Variants in PPIF observed in about 807,000 individuals in gnomAD.
The protein encoded by PPIF is peptidylprolyl isomerase F.
A neutral mutation model predicts 20.2 loss-of-function variants in PPIF; 23 were observed. That is an observed-to-expected ratio of 1.14 (90% CI 0.82 to 1.61). The LOEUF is 1.61. Ranked by LOEUF, PPIF falls within the 40% of genes most tolerant of loss-of-function variation. The probability of loss-of-function intolerance (pLI) is 0.00; values close to 1 mark genes in which losing one functional copy is unlikely to be tolerated. For synonymous variants in PPIF, 113 were observed against 123.1 expected (o/e 0.92, Z 0.54); for missense variants, 287 against 291.6 (o/e 0.98, Z 0.11).
rs769433083 is a variant in PPIF at position 79,349,652 on chromosome 10, C to G, written c.227-13C>G. 1.9e-6 allele frequency: 3 copies of G among 1,612,738 alleles called. No homozygotes were observed. Among genetic ancestry groups the G allele is most frequent in the Non-Finnish European group, 2.5e-6 (3 of 1,179,946 alleles). On this transcript the variant is annotated splice_polypyrimidine_tract_variant and intron_variant, in intron 2 of 5. Transcript: ENST00000225174. ...CCTGGCCCTGTTGACCTGTGTTTCT[C>G]TTCGACCCTCAGAGAACTTCAGAGC... is the stretch of plus-strand genomic sequence containing the variant.
chr10:79,352,457 C>T, intron 5 of PPIF, 65 bp downstream of exon 5: 2 of 1,526,920 alleles, frequency 1.3e-6, no homozygotes, highest in Non-Finnish European at 1.8e-6. Flanking sequence ...AGGATTCGTG[C>T]ACTTTTAGGG....
chr10:79,349,216 T>C, intron 2 of PPIF, 110 bp downstream of exon 2: 2 of 1,603,020 alleles, frequency 1.2e-6, no homozygotes, highest in Non-Finnish European at 1.7e-6. Context: ...CCCTGACAGA[T>C]GGGAGCTCCA....
At chr10:79,353,548 G>A (rs372867418) in intron 5 of PPIF, 159 bp from the exon 6 acceptor site, 36 of 1,310,222 alleles carry the variant, frequency 2.7e-5, no homozygotes, top group African/African-American at 2.3e-4. Context: ...TATTTGGGGC[G>A]CTCAACAAGG....
At chr10:79,352,004 A>G (rs748615359) in intron 4 of PPIF, among the ~76,000 whole-genome samples, 2 of 152,164 alleles carry the variant, frequency 1.3e-5, no homozygotes, top group African/African-American at 2.4e-5. Flanking sequence ...CGTGTCACCT[A>G]TAAGACCCAA....
rs751383371 is a variant in PPIF at position 79,353,884 on chromosome 10, C to T, written c.*42C>T. On this transcript the variant is annotated 3_prime_UTR_variant, in exon 6 of 6. Transcript: ENST00000225174. ...TGGCATGGTGGCAGCTGCAAATGTC[C>T]ATGCACCCAGGTGGCCGCGTTGGGC... 3 of 1,603,908 alleles carry T rather than the reference C, an allele frequency of 1.9e-6. No individual in the cohort carries two copies. The highest frequency in any genetic ancestry group is 4.5e-5 in the East Asian group (2 of 44,822).
In PPIF at chr10:79,347,696, C is replaced by T; in HGVS notation, c.148C>T (p.Leu50=). The change falls in exon 1 of 6, where the codon CTG becomes TTG. Residue 50 remains leucine (L), a synonymous_variant. Coordinates refer to ENST00000225174, the MANE Select transcript of PPIF (RefSeq NM_005729.4). ...CTCCTCCGGGAACCCGCTCGTGTAC[C>T]TGGACGTGGACGCCAACGGGAAGCC... ...SSSSGNPLVY[L]DVDANGKPLG... 1 of 1,476,598 alleles carries T rather than the reference C, an allele frequency of 6.8e-7. No individual in the cohort carries two copies. The highest frequency in any genetic ancestry group is 9.0e-7 in the Non-Finnish European group (1 of 1,109,392). The allele number at this position is 1,476,598 out of a possible 1,614,324, so 91.5% of individuals were successfully genotyped here.
At chr10:79,352,212 A>T (rs1855991044) in intron 4 of PPIF, 105 bp from the exon 5 acceptor site, 1 of 1,002,178 alleles carries the variant, frequency 1.0e-6, no homozygotes, top group Admixed American at 1.9e-5. Context: ...CAGGATCTGC[A>T]GACTCGAATG....
chr10:79,347,758 A>G lies in PPIF; in HGVS notation c.195+15A>G. The stretch of plus-strand genomic sequence containing the variant: ...TGGTGCTGGAGGTGAGACCGCTCGC[A>G]GGGCCGGCCTGGGCGCGGGACACGG... On this transcript the variant is annotated intron_variant, in intron 1 of 5. Coordinates refer to ENST00000225174, the MANE Select transcript of PPIF (RefSeq NM_005729.4). The G allele has an allele frequency of 1.5e-6, 2 of 1,309,148 alleles. No individual in the cohort carries two copies. Among genetic ancestry groups the G allele is most frequent in the Non-Finnish European group, 2.0e-6 (2 of 1,021,528 alleles). 81.1% of individuals were successfully genotyped at this position (1,309,148 alleles called of 1,614,324 possible).
intron 3 of PPIF, 177 bp downstream of exon 3, chr10:79,349,930 C>T: frequency 7.3e-7 from 1 of 1,377,426 alleles, no homozygotes; most frequent in Non-Finnish European, 9.6e-7. Context: ...GAAGCCCAGC[C>T]CCAACCCGCT....
intron 1 of PPIF, 43 bp from the exon 2 acceptor site, chr10:79,349,033 T>G: frequency 6.2e-7 from 1 of 1,613,650 alleles, no homozygotes; most frequent in Non-Finnish European, 8.5e-7. Flanking sequence ...TTCACCTGCC[T>G]CTCCAATGAC....
At position 79,353,838 on chromosome 10, in the gene PPIF, G is replaced by A; in HGVS notation, c.620G>A (p.Ser207Asn). 1 of 1,614,140 alleles carries A rather than the reference G, an allele frequency of 6.2e-7. No homozygotes were observed. The highest frequency in any genetic ancestry group is 8.5e-7 in the Non-Finnish European group (1 of 1,179,978). ...GTCATCACAGACTGTGGCCAGTTGAGCTAATCTGTGGCCAGGGTGCTGGCA... is the reference window on the plus strand; with the variant it reads ...GTCATCACAGACTGTGGCCAGTTGAACTAATCTGTGGCCAGGGTGCTGGCA... ...KIVITDCGQL[S>N] Residue 207 changes from serine (S) to asparagine (N), a missense_variant, in exon 6 of 6, where the codon AGC (serine) becomes AAC (asparagine). By Grantham distance (46) the Ser-to-Asn change is conservative. Coordinates refer to ENST00000225174, the MANE Select transcript of PPIF (RefSeq NM_005729.4).
At chr10:79,352,155 T>A (rs1334286343) in intron 4 of PPIF, among the ~76,000 whole-genome samples, 162 bp from the exon 5 acceptor site, 1 of 152,076 alleles carries the variant, frequency 6.6e-6, no homozygotes, top group Non-Finnish European at 1.5e-5. Context: ...AAGGCAGGCA[T>A]ACCCTGGGGG....
intron 4 of PPIF, 96 bp downstream of exon 4, chr10:79,351,679 C>A: frequency 8.9e-7 from 1 of 1,125,140 alleles, no homozygotes; most frequent in Non-Finnish European, 1.3e-6. Flanking sequence ...AGTCACCGTC[C>A]AGTATCTGAT....
chr10:79,349,561 C>G lies in PPIF; in HGVS notation c.227-104C>G. The G allele has an allele frequency of 1.9e-6, 3 of 1,542,184 alleles. No individual in the cohort carries two copies. The East Asian group carries it at 7.1e-5, about 37-fold the overall frequency. ...CAAGAGGTGGGCCAGAGTCTTTATC[C>G]CCCTGTTCACTGCTGGGGATGTAGC... is the stretch of plus-strand genomic sequence containing the variant. On this transcript the variant is annotated intron_variant, in intron 2 of 5. Coordinates refer to ENST00000225174, the MANE Select transcript of PPIF (RefSeq NM_005729.4).
At chr10:79,349,636 G>A (rs1295418400) in intron 2 of PPIF, 29 bp from the exon 3 acceptor site, 1 of 1,612,268 alleles carries the variant, frequency 6.2e-7, no homozygotes, top group Admixed American at 1.7e-5. Context: ...GCCTGGCCCT[G>A]TTGACCTGTG....
Position 79,352,412 on chromosome 10 carries a change from C to T in PPIF, c.488+20C>T. 1 of 1,608,058 alleles carries T rather than the reference C, an allele frequency of 6.2e-7. No homozygotes were observed. Among genetic ancestry groups the T allele is most frequent in the Non-Finnish European group, 8.5e-7 (1 of 1,174,448 alleles). ...AGACTGGTGAGTTCCCTGCCCCAGGCCCTCTGGGAATGCGGGCAGCCTTGC... is the reference window on the plus strand; with the variant it reads ...AGACTGGTGAGTTCCCTGCCCCAGGTCCTCTGGGAATGCGGGCAGCCTTGC... On this transcript the variant is annotated intron_variant, in intron 5 of 5. Coordinates refer to ENST00000225174, the MANE Select transcript of PPIF (RefSeq NM_005729.4).
At chr10:79,349,628 C>T in intron 2 of PPIF, 37 bp from the exon 3 acceptor site, 2 of 1,611,764 alleles carry the variant, frequency 1.2e-6, no homozygotes, top group Non-Finnish European at 1.7e-6. Context: ...GAATTGGGGC[C>T]TGGCCCTGTT....
Position 79,353,936 on chromosome 10 carries a change from C to T in PPIF, c.*94C>T, listed in dbSNP as rs529848344. 8.2e-6 allele frequency: 11 copies of T among 1,339,294 alleles called. No individual in the cohort carries two copies. The highest frequency in any genetic ancestry group is 2.9e-5 in the African/African-American group (2 of 69,576). The allele number at this position is 1,339,294 out of a possible 1,614,324, so 83.0% of individuals were successfully genotyped here. A position where few individuals can be genotyped will look rare whatever the true frequency, so the allele number is the denominator to read the frequency against. The stretch of plus-strand genomic sequence containing the variant: ...GTCAGCCAAGGTGCCTGAAACGATA[C>T]GTGTGCCCACTCCACTGTCACAGTG... On this transcript the variant is annotated 3_prime_UTR_variant, in exon 6 of 6. Transcript: ENST00000225174.
At position 79,352,215 on chromosome 10, in the gene PPIF, C is replaced by T. The variant is rs1303824866; in HGVS notation, c.413-102C>T. 5 of 1,048,460 alleles carry T rather than the reference C, an allele frequency of 4.8e-6. No homozygotes were observed. The East Asian group carries it at 7.2e-5, about 15-fold the overall frequency. The allele number at this position is 1,048,460 out of a possible 1,614,324, so 64.9% of individuals were successfully genotyped here. A position where few individuals can be genotyped will look rare whatever the true frequency, so the allele number is the denominator to read the frequency against. On this transcript the variant is annotated intron_variant, in intron 4 of 5. Coordinates refer to ENST00000225174, the MANE Select transcript of PPIF (RefSeq NM_005729.4). ...TCTTCTGGGTCCCAGGATCTGCAGA[C>T]TCGAATGTCCCTGGTGTGGTTTGCA...
Sources: gnomAD v4.1 joint callset for allele counts (sites outside exome capture counted in the v4.1 genomes callset) on GRCh38, gnomAD v4.1.1 for gene constraint, MANE v1.5 for transcripts, NCBI Gene and HGNC (gene_info 2026-07-23, HGNC 2026-07-21) for gene names.